USH2A: variants seen among roughly 807,000 people sequenced by gnomAD.
USH2A encodes the protein usherin.
A neutral mutation model predicts 538.9 loss-of-function variants in USH2A; 443 were observed. The ratio of observed to expected loss-of-function variants is 0.82; its 90% CI spans 0.76 to 0.89. The LOEUF is 0.89. USH2A is among the 40% of genes least tolerant of loss of function. The pLI is 0.00. For missense variants in USH2A, 6,633 were observed against 6,324.8 expected, an observed-to-expected ratio of 1.05 and a Z score of -1.65; for synonymous variants, 2,413 against 2,273.5, an observed-to-expected ratio of 1.06 and a Z score of -1.75.
At chr1:216,199,575 A>G in intron 17 of USH2A, 52 bp downstream of exon 17, 3 of 1,612,550 alleles carry the variant, frequency 1.9e-6, no homozygotes, top group Non-Finnish European at 2.5e-6. Flanking sequence ...ATTACAATAG[A>G]TTCTCATTCA....
chr1:216,300,300 G>T (rs2037189265), intron 9 of USH2A, among the ~76,000 whole-genome samples: 1 of 152,098 alleles, frequency 6.6e-6, no homozygotes, highest in East Asian at 1.9e-4. Context: ...CCAATCTCCA[G>T]TTGATCATTT....
intron 38 of USH2A, among the ~76,000 whole-genome samples, chr1:215,910,655 A>G (rs1665758266): frequency 1.3e-5 from 2 of 151,960 alleles, no homozygotes; most frequent in African/African-American, 2.4e-5. Flanking sequence ...TACTCACACC[A>G]TAACTACAAT....
intron 3 of USH2A, among the ~76,000 whole-genome samples, chr1:216,387,596 G>A (rs1227474467): frequency 6.6e-6 from 1 of 152,074 alleles, no homozygotes; most frequent in East Asian, 1.9e-4. Context: ...TCTCAAGTTG[G>A]GCCAAACTGC....
intron 13 of USH2A, among the ~76,000 whole-genome samples, chr1:216,237,224 T>A (rs2035842204): frequency 6.6e-6 from 1 of 152,154 alleles, no homozygotes; most frequent in Non-Finnish European, 1.5e-5. Flanking sequence ...AGGACTCTGT[T>A]AATTTTCATT....
At chr1:216,216,012 G>C (rs1558322668) in intron 15 of USH2A, among the ~76,000 whole-genome samples, 1 of 152,040 alleles carries the variant, frequency 6.6e-6, no homozygotes, top group Non-Finnish European at 1.5e-5. Context: ...CACAAAATTA[G>C]TGGCAGAACC....
At chr1:215,946,682 C>A (rs1181536076) in intron 37 of USH2A, among the ~76,000 whole-genome samples, 1 of 152,188 alleles carries the variant, frequency 6.6e-6, no homozygotes, top group East Asian at 1.9e-4. Context: ...ACAATAGCCC[C>A]TATCCACATA....
chr1:216,166,329 T>TA (rs2034169285), intron 21 of USH2A, among the ~76,000 whole-genome samples: 1 of 152,026 alleles, frequency 6.6e-6, no homozygotes, highest in Non-Finnish European at 1.5e-5. Context: ...GCACTGGGAC[T>TA]AAAAAATGGT....
intron 15 of USH2A, among the ~76,000 whole-genome samples, chr1:216,209,465 G>A (rs2035192233): frequency 6.6e-6 from 1 of 152,206 alleles, no homozygotes; most frequent in Non-Finnish European, 1.5e-5. Flanking sequence ...GTAAAGTGAA[G>A]TTATTCTGCA....
intron 13 of USH2A, among the ~76,000 whole-genome samples, chr1:216,234,868 A>G (rs1027412049): frequency 6.6e-6 from 1 of 152,134 alleles, no homozygotes; most frequent in African/African-American, 2.4e-5. Flanking sequence ...CAGAAGTACA[A>G]GCAGAGAAGA....
intron 47 of USH2A, among the ~76,000 whole-genome samples, chr1:215,829,136 T>G (rs569015002): frequency 1.3e-5 from 2 of 152,244 alleles, no homozygotes; most frequent in African/African-American, 4.8e-5. Flanking sequence ...TAGAAGGAGC[T>G]GATGATAATA....
chr1:216,285,812 T>A (rs1392789005), intron 11 of USH2A, among the ~76,000 whole-genome samples: 1 of 152,192 alleles, frequency 6.6e-6, no homozygotes, highest in African/African-American at 2.4e-5. Flanking sequence ...TCAAAGGAGA[T>A]CATTTGGTAA....
intron 34 of USH2A, among the ~76,000 whole-genome samples, chr1:215,994,849 G>C (rs765286666): frequency 6.6e-6 from 1 of 152,050 alleles, no homozygotes. Flanking sequence ...TGTGCTAAAA[G>C]TCCACCAGAA....
chr1:216,079,965 G>A (rs1389952444), intron 26 of USH2A: 3 of 152,088 alleles, frequency 2.0e-5, no homozygotes, highest in Admixed American at 2.0e-4. Context: ...GGGTAACTAG[G>A]AGGGTGTTCT....
At chr1:215,942,371 A>G (rs1192174997) in intron 37 of USH2A, among the ~76,000 whole-genome samples, 2 of 152,134 alleles carry the variant, frequency 1.3e-5, no homozygotes, top group Non-Finnish European at 2.9e-5. Context: ...GTGAGCAGCA[A>G]GTCACAGGTT....
At chr1:216,161,721 C>T (rs2034063633) in intron 21 of USH2A, among the ~76,000 whole-genome samples, 1 of 151,952 alleles carries the variant, frequency 6.6e-6, no homozygotes, top group Non-Finnish European at 1.5e-5. Context: ...CTTTTTTCAA[C>T]TCTTTTGTTA....
chr1:215,675,755 G>T, intron 62 of USH2A, 139 bp from the exon 63 acceptor site: 1 of 1,497,848 alleles, frequency 6.7e-7, no homozygotes, highest in Non-Finnish European at 9.0e-7. Flanking sequence ...GATATTAATT[G>T]GGGATATGTG....
At chr1:216,412,711 C>CT (rs1051019281) in intron 3 of USH2A, among the ~76,000 whole-genome samples, 82 of 143,700 alleles carry the variant, frequency 5.7e-4, no homozygotes, top group East Asian at 4.2e-3. Context: ...GATTCTGTGC[C>CT]TTTTTTTTTT....
rs377634426 is a variant in USH2A, at chr1:215,710,469, CTCTT to C, written c.12066+17557_12066+17560del. Among the ~76,000 whole-genome samples, 95 of 152,284 alleles carry C rather than the reference CTCTT, an allele frequency of 6.2e-4. 2 individuals carry two copies. In the East Asian group the frequency reaches 0.012, roughly 19 times the overall value. On this transcript the variant is annotated intron_variant, in intron 61 of 71. Transcript: ENST00000307340. ...AGCAGGGGCAAAGATTTTCCAAAAA[CTCTT>C]TCTTATGTACATCTCAACTGCTCAT...
At chr1:215,685,277 C>T (rs1658381280) in intron 61 of USH2A, among the ~76,000 whole-genome samples, 1 of 151,820 alleles carries the variant, frequency 6.6e-6, no homozygotes, top group Non-Finnish European at 1.5e-5. Flanking sequence ...CTTTAAGTTC[C>T]CCAAAAGTTG....
Sources: allele counts gnomAD v4.1 joint callset (sites outside exome capture counted in the v4.1 genomes callset), GRCh38; gene constraint gnomAD v4.1.1; transcripts MANE v1.5; gene names NCBI Gene and HGNC (gene_info 2026-07-23, HGNC 2026-07-21).